WDR49: variants seen among roughly 807,000 people sequenced by gnomAD.
WDR49 encodes the protein WD repeat domain 49, also known as cilia- and flagella-associated protein 337.
In WDR49, 107 loss-of-function variants were observed where a neutral mutation model predicts 119.5. That is an observed-to-expected ratio of 0.90 (90% CI 0.77 to 1.05). The LOEUF (loss-of-function observed/expected upper bound fraction) is 1.05, where lower values mean the gene tolerates loss of function less well. Among genes scored for constraint, WDR49 ranks in the 50% least tolerant of loss-of-function variants. The pLI, the probability that WDR49 is intolerant of heterozygous loss-of-function variation, is 0.00. For synonymous variants in WDR49, 425 were observed against 418.8 expected (o/e 1.01, Z -0.18); for missense variants, 1,240 against 1,220.5 (o/e 1.02, Z -0.24).
Position 167,529,186 on chromosome 3 carries a change from T to C in WDR49, c.2272A>G (p.Ile758Val), listed in dbSNP as rs375534635. The change falls in exon 14 of 19, where the codon ATA becomes GTA. Residue 758 changes from isoleucine (I) to valine (V), a missense_variant. By Grantham distance (29) the Ile-to-Val change is conservative (BLOSUM62 3). Transcript: ENST00000682715. ...GGSGYVRFWD[I>V]YKKQLLAEFL... ...TCAGCCAGAAGTTGCTTCTTATATATATCCCAAAATCTGACATAACCAGAT... is the reference window on the plus strand; with the variant it reads ...TCAGCCAGAAGTTGCTTCTTATATACATCCCAAAATCTGACATAACCAGAT... The C allele has an allele frequency of 9.9e-6, 16 of 1,611,180 alleles. No homozygotes were observed. In the African/African-American group the frequency reaches 1.9e-4, roughly 19 times the overall value.
chr3:167,614,654 C>T (rs1249825545), intron 5 of WDR49, among the ~76,000 whole-genome samples: 1 of 152,088 alleles, frequency 6.6e-6, no homozygotes, highest in African/African-American at 2.4e-5. Flanking sequence ...AAATCTGAAC[C>T]TTATCTTAAA....
rs115890490 is a variant in WDR49, at chr3:167,641,398, G to A, written c.165+11863C>T. 9.9e-5 allele frequency among the ~76,000 whole-genome samples: 15 copies of A among 152,000 alleles called. No homozygotes were observed. The South Asian group carries it at 3.1e-3, about 31-fold the overall frequency. ...TTCTGTGGTACTTACAGAAAGATAA[G>A]ATGAAGATAAGATAAGATGAGATAT... On this transcript the variant is annotated intron_variant, in intron 2 of 18. Coordinates refer to ENST00000682715, the MANE Select transcript of WDR49 (RefSeq NM_001366157.1).
At chr3:167,537,415 G>GT (rs201011273) in intron 10 of WDR49, among the ~76,000 whole-genome samples, 5 of 151,630 alleles carry the variant, frequency 3.3e-5, no homozygotes, top group Admixed American at 6.6e-5. Flanking sequence ...GTCAATAAGG[G>GT]TTTTTTTTCA....
intron 8 of WDR49, chr3:167,575,305 A>G (rs1323714230): frequency 3.5e-5 from 35 of 986,566 alleles, no homozygotes; most frequent in Non-Finnish European, 4.2e-5. Context: ...TCTGCGCAGT[A>G]ACTCTGCTCC....
At chr3:167,576,494 C>A (rs966885785) in intron 7 of WDR49, among the ~76,000 whole-genome samples, 2 of 152,060 alleles carry the variant, frequency 1.3e-5, no homozygotes, top group African/African-American at 4.8e-5. Flanking sequence ...TCTTAGGTGG[C>A]AAAAGAGATT....
Position 167,566,580 on chromosome 3 carries a change from C to T in WDR49, c.1510-6352G>A, listed in dbSNP as rs140960348. On this transcript the variant is annotated intron_variant, in intron 8 of 18. Coordinates refer to ENST00000682715, the MANE Select transcript of WDR49 (RefSeq NM_001366157.1). Reference sequence around the variant, plus strand: ...ATATCTATTTCAAAGAATAAGTTTACGCTGCAACAACATGGGGGTTAGAGA... The same window carrying T: ...ATATCTATTTCAAAGAATAAGTTTATGCTGCAACAACATGGGGGTTAGAGA... Among the ~76,000 whole-genome samples the T allele has an allele frequency of 9.8e-3, 1,489 of 152,000 alleles. 11 individuals are homozygous for T. The highest frequency in any genetic ancestry group is 0.015 in the Non-Finnish European group (1,008 of 67,988).
intron 5 of WDR49, among the ~76,000 whole-genome samples, chr3:167,609,457 C>T (rs1278091138): frequency 6.6e-6 from 1 of 152,082 alleles, no homozygotes; most frequent in Admixed American, 6.5e-5. Flanking sequence ...AGAAAGGAAA[C>T]CTGGACCAAA....
chr3:167,553,412 A>G (rs1277405861), intron 10 of WDR49, among the ~76,000 whole-genome samples: 1 of 152,102 alleles, frequency 6.6e-6, no homozygotes, highest in Non-Finnish European at 1.5e-5. Flanking sequence ...GTGACTCTAC[A>G]TCTAATCTTT....
chr3:167,511,682 AG>A (rs143783243), intron 16 of WDR49, among the ~76,000 whole-genome samples: 2,029 of 152,312 alleles, frequency 0.013, 51 homozygotes, highest in African/African-American at 0.046. Context: ...AGCCAGTGGC[AG>A]CATGCTGGAG....
intron 8 of WDR49, among the ~76,000 whole-genome samples, chr3:167,574,876 A>T (rs1407495751): frequency 6.6e-6 from 1 of 152,208 alleles, no homozygotes; most frequent in Non-Finnish European, 1.5e-5. Context: ...TCAGTAAAAC[A>T]TTTAGCAGGA....
chr3:167,552,020 T>G (rs932434201), intron 10 of WDR49, among the ~76,000 whole-genome samples: 2 of 151,966 alleles, frequency 1.3e-5, no homozygotes, highest in Non-Finnish European at 2.9e-5. Context: ...GAAAAAATTT[T>G]GAGAGGGATT....
chr3:167,524,048 A>ACAT (rs1397223725), intron 15 of WDR49, among the ~76,000 whole-genome samples: 1 of 152,064 alleles, frequency 6.6e-6, no homozygotes, highest in Non-Finnish European at 1.5e-5. Flanking sequence ...CCACATCCTC[A>ACAT]CCAGCATCTG....
intron 15 of WDR49, among the ~76,000 whole-genome samples, chr3:167,526,925 T>G (rs1752654578): frequency 6.6e-6 from 1 of 152,098 alleles, no homozygotes; most frequent in African/African-American, 2.4e-5. Flanking sequence ...CTTAAACTTA[T>G]ACCAGGTTTG....
At chr3:167,597,093 G>A (rs77582607) in intron 7 of WDR49, among the ~76,000 whole-genome samples, 3,425 of 152,232 alleles carry the variant, frequency 0.022, 143 homozygotes, top group East Asian at 0.17. Context: ...GGAGATCTTC[G>A]TCACAGGCCC....
At chr3:167,596,261 C>T (rs1408278720) in intron 7 of WDR49, among the ~76,000 whole-genome samples, 2 of 150,976 alleles carry the variant, frequency 1.3e-5, no homozygotes, top group African/African-American at 4.9e-5. Context: ...AACGCTTTTA[C>T]ACTGTTGGTG....
chr3:167,545,509 T>TTATATATATATATATATATATA (rs141981277), intron 10 of WDR49, among the ~76,000 whole-genome samples: 1 of 108,298 alleles, frequency 9.2e-6, no homozygotes, highest in South Asian at 3.1e-4. Context: ...ATATTATATA[T>TTATATATATATATATATATATA]TATATATATA....
chr3:167,649,661 G>T (rs1273379628), intron 2 of WDR49, among the ~76,000 whole-genome samples: 1 of 152,168 alleles, frequency 6.6e-6, no homozygotes, highest in Non-Finnish European at 1.5e-5. Flanking sequence ...AGACAGATTT[G>T]TTTTAAGAAT....
intron 5 of WDR49, among the ~76,000 whole-genome samples, chr3:167,606,032 G>A (rs116457983): frequency 1.8e-4 from 27 of 152,152 alleles, no homozygotes; most frequent in African/African-American, 6.0e-4. Flanking sequence ...CACACAAATC[G>A]CTATGTGAAA....
chr3:167,576,238 C>T, intron 7 of WDR49, 87 bp from the exon 8 acceptor site: 1 of 1,077,294 alleles, frequency 9.3e-7, no homozygotes, highest in Non-Finnish European at 1.4e-6. Context: ...ACCCTCAATA[C>T]CAGGCAGACA....
Sources: allele counts gnomAD v4.1 joint callset (sites outside exome capture counted in the v4.1 genomes callset), GRCh38; gene constraint gnomAD v4.1.1; transcripts MANE v1.5; gene names NCBI Gene and HGNC (gene_info 2026-07-23, HGNC 2026-07-21).